The following FAM117A variants were observed in gnomAD, a reference collection of about 807,000 sequenced individuals.
The protein encoded by FAM117A is protein FAM117A.
Under a neutral mutation model 44.1 loss-of-function variants are expected in FAM117A, and 21 were observed. The observed-to-expected ratio is 0.48, with a 90% CI of 0.34 to 0.69. The LOEUF (loss-of-function observed/expected upper bound fraction) is 0.69, where lower values mean the gene tolerates loss of function less well. Ranked by LOEUF, FAM117A falls within the 30% of genes least tolerant of loss-of-function variation. FAM117A has a pLI of 0.01. For missense variants in FAM117A, 498 were observed against 589.9 expected (o/e 0.84, Z 1.61); for synonymous variants, 220 against 238.3 (o/e 0.92, Z 0.71).
chr17:49,757,194 A>AC (rs1255859510), intron 1 of FAM117A, among the ~76,000 whole-genome samples: 5 of 145,284 alleles, frequency 3.4e-5, no homozygotes, highest in Admixed American at 1.4e-4. Context: ...TCTGTCCTCC[A>AC]CCCCCCCAGC....
rs558114476 is a variant in FAM117A, at chr17:49,728,737, T to C, written c.366+3814A>G. Among the ~76,000 whole-genome samples the C allele has an allele frequency of 3.0e-4, 46 of 152,332 alleles. No individual in the cohort carries two copies. The South Asian group carries it at 9.3e-3, about 31-fold the overall frequency. On this transcript the variant is annotated intron_variant, in intron 2 of 7. Transcript: ENST00000240364. The stretch of plus-strand genomic sequence containing the variant: ...TGTACTGCCCTCACCCACCCTGGCC[T>C]GGGCCCAGCCACTAGAAGTGGGCAA...
chr17:49,774,279 G>C (rs2073769654), intron 1 of FAM117A, among the ~76,000 whole-genome samples: 1 of 151,800 alleles, frequency 6.6e-6, no homozygotes, highest in South Asian at 2.1e-4. Context: ...CTCCGGAGTA[G>C]CTGGGACTAC....
intron 1 of FAM117A, among the ~76,000 whole-genome samples, chr17:49,733,510 T>C (rs905768172): frequency 1.3e-5 from 2 of 151,798 alleles, no homozygotes; most frequent in African/African-American, 4.8e-5. Flanking sequence ...CCATCTCTAC[T>C]AAAAATACAA....
chr17:49,742,954 T>C (rs1305921488), intron 1 of FAM117A, among the ~76,000 whole-genome samples: 4 of 152,208 alleles, frequency 2.6e-5, no homozygotes, highest in Non-Finnish European at 5.9e-5. Context: ...CACAAGCTCA[T>C]GAATTCTCTT....
chr17:49,716,202 C>T lies in FAM117A; in HGVS notation c.1024G>A (p.Glu342Lys). The T allele has an allele frequency of 1.2e-6, 2 of 1,603,572 alleles. No homozygotes were observed. The highest frequency in any genetic ancestry group is 2.3e-5 in the East Asian group (1 of 44,306). Reference sequence around the variant, plus strand: ...AACACACGCACTTTCTCACAGCCTTCTGGGGGCTCCCGTTTGAAGATGTAG... The same window carrying T: ...AACACACGCACTTTCTCACAGCCTTTTGGGGGCTCCCGTTTGAAGATGTAG... ...HSYIFKREPPEGCEKVRVFEE... is the reference protein window; with the variant it reads ...HSYIFKREPPKGCEKVRVFEE... Residue 342 changes from glutamate to lysine, a missense_variant, in exon 7 of 8, where the codon GAA (glutamate) becomes AAA (lysine). Physicochemically the swap from Glu to Lys is moderately conservative, Grantham distance 56 (BLOSUM62 1). Coordinates refer to ENST00000240364, the MANE Select transcript of FAM117A (RefSeq NM_030802.4).
chr17:49,778,422 C>T (rs1040702970), intron 1 of FAM117A, among the ~76,000 whole-genome samples: 5 of 152,184 alleles, frequency 3.3e-5, no homozygotes, highest in Non-Finnish European at 7.3e-5. Flanking sequence ...GAAAACAAAT[C>T]TGCATGTATC....
At chr17:49,731,468 A>G (rs1567829281) in intron 2 of FAM117A, among the ~76,000 whole-genome samples, 1 of 146,326 alleles carries the variant, frequency 6.8e-6, no homozygotes, top group Non-Finnish European at 1.5e-5. Flanking sequence ...CGTTCGTGCT[A>G]GCTTATCCAA....
intron 2 of FAM117A, chr17:49,724,559 G>A: frequency 4.4e-6 from 2 of 449,682 alleles, no homozygotes; most frequent in Non-Finnish European, 9.0e-6. Context: ...GAGGCTGGGG[G>A]TGGTGGCTCA....
intron 2 of FAM117A, among the ~76,000 whole-genome samples, chr17:49,727,148 C>G (rs545646644): frequency 2.0e-5 from 3 of 152,062 alleles, no homozygotes; most frequent in Non-Finnish European, 4.4e-5. Flanking sequence ...TGCCTGTAAT[C>G]CCAGCACTTT....
chr17:49,784,422 C>T (rs1192181825), intron 1 of FAM117A, among the ~76,000 whole-genome samples: 1 of 152,170 alleles, frequency 6.6e-6, no homozygotes, highest in Admixed American at 6.5e-5. Flanking sequence ...GTCTGACTGG[C>T]GGCCTCCTCT....
chr17:49,786,876 T>C (rs1261954360), intron 1 of FAM117A, among the ~76,000 whole-genome samples: 2 of 150,590 alleles, frequency 1.3e-5, no homozygotes, highest in East Asian at 3.9e-4. Flanking sequence ...TTCAGCTCAG[T>C]AGGTCGAGAC....
In FAM117A at chr17:49,717,637, C is replaced by CAGG; in HGVS notation, c.783_785dup (p.Leu262dup). 1 of 1,613,878 alleles carries CAGG rather than the reference C, an allele frequency of 6.2e-7. No individual in the cohort carries two copies. The highest frequency in any genetic ancestry group is 8.5e-7 in the Non-Finnish European group (1 of 1,179,888). ...GAGAGCTGGCAAGGTTGCCAGGCTC[C>CAGG]AGGAGGAGGAGGGGATGATCACAGC... On this transcript the variant is annotated inframe_insertion, in exon 6 of 8. Coordinates refer to ENST00000240364, the MANE Select transcript of FAM117A (RefSeq NM_030802.4).
chr17:49,772,020 G>A (rs1018934392), intron 1 of FAM117A, among the ~76,000 whole-genome samples: 2 of 152,110 alleles, frequency 1.3e-5, no homozygotes, highest in Admixed American at 6.5e-5. Flanking sequence ...GGCCAGGTAC[G>A]GTGGCTCACA....
chr17:49,746,615 A>ACTAAG (rs2073655327), intron 1 of FAM117A, among the ~76,000 whole-genome samples: 1 of 152,238 alleles, frequency 6.6e-6, no homozygotes, highest in Non-Finnish European at 1.5e-5. Flanking sequence ...CAGAATTAAG[A>ACTAAG]GCTTCCTATA....
chr17:49,788,481 A>C (rs1201385393), intron 1 of FAM117A: 1 of 278,436 alleles, frequency 3.6e-6, no homozygotes, highest in African/African-American at 2.2e-5. Flanking sequence ...CCACGCCCAC[A>C]AACAGAGCCA....
At chr17:49,763,155 C>T (rs1201838314) in intron 1 of FAM117A, among the ~76,000 whole-genome samples, 1 of 151,890 alleles carries the variant, frequency 6.6e-6, no homozygotes, top group East Asian at 1.9e-4. Flanking sequence ...CACACACACA[C>T]ACACACACGC....
At chr17:49,717,425 A>C in intron 6 of FAM117A, 88 bp downstream of exon 6, 1 of 1,095,128 alleles carries the variant, frequency 9.1e-7, no homozygotes, top group Non-Finnish European at 1.3e-6. Flanking sequence ...TGAGAATGCT[A>C]GGCCTGAATT....
chr17:49,763,123 TACACAC>T (rs10603200), intron 1 of FAM117A, among the ~76,000 whole-genome samples: 3,083 of 141,126 alleles, frequency 0.022, 51 homozygotes, highest in East Asian at 0.063. Context: ...TCCCCCCCGC[TACACAC>T]ACACACACAC....
intron 1 of FAM117A, among the ~76,000 whole-genome samples, chr17:49,787,290 T>C (rs1188133939): frequency 6.6e-6 from 1 of 152,176 alleles, no homozygotes; most frequent in African/African-American, 2.4e-5. Context: ...ATTAAATGCT[T>C]AAGTGGTGAG....
Sources: gnomAD v4.1 joint callset for allele counts (sites outside exome capture counted in the v4.1 genomes callset) on GRCh38, gnomAD v4.1.1 for gene constraint, MANE v1.5 for transcripts, NCBI Gene and HGNC (gene_info 2026-07-23, HGNC 2026-07-21) for gene names.